ITPRID1: variants seen among roughly 807,000 people sequenced by gnomAD.
ITPRID1 encodes the protein ITPR interacting domain containing 1, also known as protein ITPRID1.
Under a neutral mutation model 95.4 loss-of-function variants are expected in ITPRID1, and 96 were observed. The ratio of observed to expected loss-of-function variants is 1.01; its 90% CI spans 0.85 to 1.19. The LOEUF (loss-of-function observed/expected upper bound fraction) is 1.19. ITPRID1 is among the 50% of genes most tolerant of loss of function. The probability of loss-of-function intolerance (pLI) is 0.00; values close to 1 mark genes in which losing one functional copy is unlikely to be tolerated. For synonymous variants in ITPRID1, 510 were observed against 453.6 expected (o/e 1.12, Z -1.58); for missense variants, 1,339 against 1,252.9 (o/e 1.07, Z -1.04).
intron 1 of ITPRID1, among the ~76,000 whole-genome samples, chr7:31,537,505 G>A (rs2128131957): frequency 6.6e-6 from 1 of 152,064 alleles, no homozygotes; most frequent in East Asian, 1.9e-4. Flanking sequence ...TTAAAAGTTA[G>A]CTGGATTTTC....
chr7:31,622,934 A>C (rs1788059705), intron 10 of ITPRID1, among the ~76,000 whole-genome samples: 1 of 152,232 alleles, frequency 6.6e-6, no homozygotes, highest in African/African-American at 2.4e-5. Context: ...ATCACCACCA[A>C]TCCCACAGAA....
At chr7:31,515,317 A>G (rs1422811463) in intron 1 of ITPRID1, among the ~76,000 whole-genome samples, 1 of 152,006 alleles carries the variant, frequency 6.6e-6, no homozygotes, top group Admixed American at 6.6e-5. Context: ...GAGAGAAACA[A>G]GTTGTGGTAT....
At chr7:31,569,931 A>T in intron 6 of ITPRID1, 122 bp downstream of exon 6, 1 of 724,788 alleles carries the variant, frequency 1.4e-6, no homozygotes, top group Admixed American at 3.1e-5. Flanking sequence ...GTGAAAGGTA[A>T]CTGGTTTAGT....
chr7:31,530,146 A>G (rs1224663221), intron 1 of ITPRID1, among the ~76,000 whole-genome samples: 2 of 152,166 alleles, frequency 1.3e-5, no homozygotes, highest in African/African-American at 2.4e-5. Context: ...GCTCGGTTAT[A>G]TAGCCTCTAT....
chr7:31,531,259 A>T (rs1000737147), intron 1 of ITPRID1, among the ~76,000 whole-genome samples: 1 of 152,234 alleles, frequency 6.6e-6, no homozygotes, highest in African/African-American at 2.4e-5. Flanking sequence ...AAATTTTAGG[A>T]AGAAGGAAAT....
rs772037529 is a variant in ITPRID1 at position 31,642,228 on chromosome 7, G to A, written c.1281G>A (p.Leu427=). ...GCCAGTCTGACAGCAGCGGGTTCCT[G>A]GAGGAGCCGCTGGAACCGCTGCCCC... ...NSCQSDSSGF[L]EEPLEPLPLQ... Residue 427 remains leucine, a synonymous_variant, in exon 11 of 15, where the codon CTG becomes CTA. Transcript: ENST00000615280. 2.6e-6 allele frequency: 4 copies of A among 1,558,214 alleles called. No individual in the cohort carries two copies. The highest frequency in any genetic ancestry group is 1.2e-5 in the South Asian group (1 of 84,382).
intron 10 of ITPRID1, among the ~76,000 whole-genome samples, chr7:31,636,873 C>A (rs1186431595): frequency 2.3e-5 from 2 of 85,672 alleles, no homozygotes; most frequent in Non-Finnish European, 4.4e-5. Context: ...TGCTATCCCT[C>A]CCCCCTCCCC....
intron 10 of ITPRID1, among the ~76,000 whole-genome samples, chr7:31,593,511 C>T (rs767994578): frequency 1.3e-5 from 2 of 152,100 alleles, no homozygotes; most frequent in Non-Finnish European, 2.9e-5. Context: ...AAATGGTAAA[C>T]AAGATTGACT....
rs1163660593 is a variant in ITPRID1, at chr7:31,653,971, G to C, written c.*1142G>C. On this transcript the variant is annotated 3_prime_UTR_variant, in exon 15 of 15. Coordinates refer to ENST00000615280, the MANE Select transcript of ITPRID1 (RefSeq NM_001257967.3). Reference sequence around the variant, plus strand: ...ACTGATGAAACACCTACTGTGTGCAGGCTACTATTCTAGTGCTGGAGACAG... The same window carrying C: ...ACTGATGAAACACCTACTGTGTGCACGCTACTATTCTAGTGCTGGAGACAG... Among the ~76,000 whole-genome samples the C allele has an allele frequency of 6.6e-6, 1 of 150,552 alleles. No homozygotes were observed. The highest frequency in any genetic ancestry group is 1.5e-5 in the Non-Finnish European group (1 of 67,886).
intron 5 of ITPRID1, among the ~76,000 whole-genome samples, chr7:31,560,808 G>A (rs1784597837): frequency 6.6e-6 from 1 of 152,146 alleles, no homozygotes; most frequent in Non-Finnish European, 1.5e-5. Context: ...CTATTGAGTA[G>A]GTAGTTGGAA....
Position 31,598,504 on chromosome 7 carries a change from G to C in ITPRID1, c.1228+15313G>C, listed in dbSNP as rs543315307. Among the ~76,000 whole-genome samples the C allele has an allele frequency of 3.7e-3, 556 of 148,758 alleles. 2 individuals are homozygous for C. Among genetic ancestry groups the C allele is most frequent in the Middle Eastern group, 0.011 (3 of 278 alleles). Reference sequence around the variant, plus strand: ...CTGCAAGCTCCGCCTCCCGGGTTCAGGCCATTCTCCTGCCTCAGCCTCCCG... The same window carrying C: ...CTGCAAGCTCCGCCTCCCGGGTTCACGCCATTCTCCTGCCTCAGCCTCCCG... On this transcript the variant is annotated intron_variant, in intron 10 of 14. Coordinates refer to ENST00000615280, the MANE Select transcript of ITPRID1 (RefSeq NM_001257967.3).
At chr7:31,540,201 T>TGG (rs1783889343) in intron 1 of ITPRID1, among the ~76,000 whole-genome samples, 1 of 152,002 alleles carries the variant, frequency 6.6e-6, no homozygotes, top group Non-Finnish European at 1.5e-5. Flanking sequence ...TGTTGTTGGG[T>TGG]AGTTGTCTGT....
chr7:31,649,910 A>T (rs892824053), intron 12 of ITPRID1, among the ~76,000 whole-genome samples: 2 of 152,146 alleles, frequency 1.3e-5, no homozygotes, highest in Non-Finnish European at 2.9e-5. Flanking sequence ...GCTCCACTCC[A>T]ATTTGTGCAG....
At chr7:31,531,324 T>A (rs1008970101) in intron 1 of ITPRID1, among the ~76,000 whole-genome samples, 3 of 150,970 alleles carry the variant, frequency 2.0e-5, no homozygotes, top group African/African-American at 7.4e-5. Flanking sequence ...TCCCACAGAG[T>A]ACAAAATAAA....
chr7:31,549,300 T>C, intron 1 of ITPRID1, 126 bp from the exon 2 acceptor site: 1 of 557,190 alleles, frequency 1.8e-6, no homozygotes, highest in Non-Finnish European at 2.9e-6. Context: ...CAAAAACATC[T>C]ACTTCTCAAT....
In ITPRID1 at chr7:31,643,141, AG is replaced by A; in HGVS notation, c.1772del (p.Ser591ThrfsTer87). On this transcript the variant is annotated frameshift_variant, in exon 12 of 15. Transcript: ENST00000615280. LOFTEE classifies it high-confidence loss of function. The stretch of plus-strand genomic sequence containing the variant: ...GCCTGAGGGAGCTGGCAAAGTGCAA[AG>A]CCACCACAATGAGTCTCAAAGGTCA... ...VRPEGAGKVQSHHNESQRSPG... is the reference protein window; with the variant it reads ...VRPEGAGKVQXHHNESQRSPG... 1 of 1,613,974 alleles carries A rather than the reference AG, an allele frequency of 6.2e-7. No homozygotes were observed. The highest frequency in any genetic ancestry group is 8.5e-7 in the Non-Finnish European group (1 of 1,179,888).
chr7:31,592,929 A>G (rs1195862616), intron 10 of ITPRID1, among the ~76,000 whole-genome samples: 7 of 152,236 alleles, frequency 4.6e-5, no homozygotes, highest in Non-Finnish European at 7.3e-5. Context: ...TTATAATACT[A>G]AAATCTAATA....
In ITPRID1 at chr7:31,651,130, C is replaced by T. The variant is rs1229446427; in HGVS notation, c.2584-12C>T. 2 of 1,609,844 alleles carry T rather than the reference C, an allele frequency of 1.2e-6. No homozygotes were observed. Among genetic ancestry groups the T allele is most frequent in the African/African-American group, 2.7e-5 (2 of 74,822 alleles). ...GAGGACTTTCTTCTCAGTTCTTTCT[C>T]ATTGTTCTCAGTGCACAGTCCATGA... On this transcript the variant is annotated splice_polypyrimidine_tract_variant and intron_variant, in intron 12 of 14. Coordinates refer to ENST00000615280, the MANE Select transcript of ITPRID1 (RefSeq NM_001257967.3).
chr7:31,592,312 C>T (rs1255847048), intron 10 of ITPRID1, among the ~76,000 whole-genome samples: 1 of 152,212 alleles, frequency 6.6e-6, no homozygotes. Flanking sequence ...ATTACTCAAT[C>T]TCTATGCTTC....
Sources: allele counts gnomAD v4.1 joint callset (sites outside exome capture counted in the v4.1 genomes callset), GRCh38; gene constraint gnomAD v4.1.1; transcripts MANE v1.5; gene names NCBI Gene and HGNC (gene_info 2026-07-23, HGNC 2026-07-21).